The following PTP4A3 variants were observed in gnomAD, a reference collection of about 807,000 sequenced individuals.
PTP4A3 encodes protein tyrosine phosphatase 4A3.
A neutral mutation model predicts 15.2 loss-of-function variants in PTP4A3; 9 were observed. The ratio of observed to expected loss-of-function variants is 0.59; its 90% CI spans 0.36 to 1.03. PTP4A3 has a LOEUF of 1.03. Ranked by LOEUF, PTP4A3 falls within the 50% of genes least tolerant of loss-of-function variation. The pLI is 0.02. For synonymous variants in PTP4A3, 95 were observed against 102.0 expected, an observed-to-expected ratio of 0.93 and a Z score of 0.41; for missense variants, 234 against 252.1, an observed-to-expected ratio of 0.93 and a Z score of 0.49.
chr8:141,428,613 T>C (rs1041211203), intron 5 of PTP4A3, among the ~76,000 whole-genome samples: 1 of 151,506 alleles, frequency 6.6e-6, no homozygotes, highest in Non-Finnish European at 1.5e-5. Flanking sequence ...TGTGTGAGAG[T>C]GTGGCCCGCC....
intron 1 of PTP4A3, among the ~76,000 whole-genome samples, chr8:141,395,143 G>A (rs1485452569): frequency 6.6e-6 from 1 of 152,228 alleles, no homozygotes; most frequent in Admixed American, 6.5e-5. Context: ...CACAGCCCGT[G>A]CCAGTGTGGG....
chr8:141,431,092 C>T lies in PTP4A3; in HGVS notation c.*48C>T, dbSNP rs371494015. ...GTCGTCATGTAGGTCAGGACCTTGG[C>T]TGGACCTGGAGGCCCTGCCCAGCCC... On this transcript the variant is annotated 3_prime_UTR_variant, in exon 6 of 6. Transcript: ENST00000521578. 2.5e-6 allele frequency: 4 copies of T among 1,582,232 alleles called. No individual in the cohort carries two copies. Among genetic ancestry groups the T allele is most frequent in the Non-Finnish European group, 3.5e-6 (4 of 1,152,702 alleles).
intron 1 of PTP4A3, among the ~76,000 whole-genome samples, chr8:141,413,651 G>A (rs981065400): frequency 4.6e-5 from 7 of 152,254 alleles, no homozygotes; most frequent in Non-Finnish European, 8.8e-5. Context: ...GTGGGGCCAC[G>A]TGTGCGCATG....
chr8:141,418,924 C>T (rs1833189140), intron 1 of PTP4A3, among the ~76,000 whole-genome samples: 1 of 152,146 alleles, frequency 6.6e-6, no homozygotes, highest in South Asian at 2.1e-4. Flanking sequence ...CAGGGCAGAG[C>T]CACATAGTGG....
At chr8:141,420,577 C>T (rs1302535578) in intron 1 of PTP4A3, among the ~76,000 whole-genome samples, 2 of 152,220 alleles carry the variant, frequency 1.3e-5, no homozygotes, top group African/African-American at 4.8e-5. Flanking sequence ...TGTGAACCCA[C>T]TCCTGGCCAC....
Position 141,427,752 on chromosome 8 carries a change from C to T in PTP4A3, c.332C>T (p.Ala111Val). ...AVHCVAGLGRAPVLVALALIE... is the reference protein window; with the variant it reads ...AVHCVAGLGRVPVLVALALIE... ...CCCGCCCTGCTGTTTGCCCCCAGGGCTCCAGTCCTTGTGGCGCTGGCCCTT... is the reference window on the plus strand; with the variant it reads ...CCCGCCCTGCTGTTTGCCCCCAGGGTTCCAGTCCTTGTGGCGCTGGCCCTT... The change falls in exon 5 of 6, where the codon GCT (alanine) becomes GTT (valine). Residue 111 changes from alanine to valine, a missense_variant and splice_region_variant. Ala to Val is a moderately conservative substitution (Grantham distance 64). Transcript: ENST00000521578. 1 of 1,550,412 alleles carries T rather than the reference C, an allele frequency of 6.4e-7. No individual in the cohort carries two copies. The highest frequency in any genetic ancestry group is 8.7e-7 in the Non-Finnish European group (1 of 1,147,018).
At chr8:141,421,096 G>A (rs59853021) in intron 1 of PTP4A3, among the ~76,000 whole-genome samples, 1 of 152,136 alleles carries the variant, frequency 6.6e-6, no homozygotes, top group Non-Finnish European at 1.5e-5. Flanking sequence ...CCTCGGGGGT[G>A]TGTGTGTCCC....
intron 1 of PTP4A3, among the ~76,000 whole-genome samples, chr8:141,417,349 TC>T (rs1833094288): frequency 1.3e-5 from 2 of 152,148 alleles, no homozygotes; most frequent in South Asian, 4.1e-4. Context: ...GACAGCAGTG[TC>T]TGGCACGGTG....
intron 1 of PTP4A3, among the ~76,000 whole-genome samples, chr8:141,403,070 T>A (rs1832634824): frequency 6.6e-6 from 1 of 152,178 alleles, no homozygotes; most frequent in African/African-American, 2.4e-5. Context: ...TGGGTGCCTC[T>A]GATTCGGAGG....
Position 141,425,504 on chromosome 8 carries a change from G to A in PTP4A3, c.198+364G>A, listed in dbSNP as rs1479559628. Among the ~76,000 whole-genome samples, 1 of 151,682 alleles carries A rather than the reference G, an allele frequency of 6.6e-6. No homozygotes were observed. The highest frequency in any genetic ancestry group is 1.5e-5 in the Non-Finnish European group (1 of 67,874). ...TCTCAGTCTTGCTGCCTGGGCGGCT[G>A]GGGCCCTGTTGCCAGGCAGCAGGCT... On this transcript the variant is annotated intron_variant, in intron 3 of 5. Transcript: ENST00000521578. The surrounding 1 kb of genome is among the most constrained non-coding windows in gnomAD (Gnocchi z 4.2).
intron 1 of PTP4A3, among the ~76,000 whole-genome samples, chr8:141,400,336 C>G (rs1563724339): frequency 6.6e-6 from 1 of 152,236 alleles, no homozygotes; most frequent in African/African-American, 2.4e-5. Context: ...GTTTTAGACA[C>G]ACATTTGGTG....
intron 1 of PTP4A3, among the ~76,000 whole-genome samples, chr8:141,401,008 C>T (rs758264185): frequency 2.6e-5 from 4 of 152,008 alleles, no homozygotes; most frequent in Non-Finnish European, 4.4e-5. Flanking sequence ...AGGGGCAAGC[C>T]GGGTGAGGAC....
At chr8:141,427,644 T>G (rs2130311996) in intron 4 of PTP4A3, 106 bp from the exon 5 acceptor site, 1 of 953,668 alleles carries the variant, frequency 1.0e-6, no homozygotes, top group Non-Finnish European at 1.5e-6. Flanking sequence ...GCAGGGGGGA[T>G]TCTGGGCCCC....
intron 1 of PTP4A3, among the ~76,000 whole-genome samples, chr8:141,404,887 G>A (rs1402318424): frequency 6.6e-6 from 1 of 152,204 alleles, no homozygotes; most frequent in Non-Finnish European, 1.5e-5. Flanking sequence ...AGCAGCGCCT[G>A]GCACTCAGGC....
chr8:141,426,549 C>T, intron 3 of PTP4A3: 1 of 985,462 alleles, frequency 1.0e-6, no homozygotes, highest in African/African-American at 1.7e-5. Flanking sequence ...TTTGCACCAG[C>T]CGACCCAAAA....
At chr8:141,426,318 C>A in intron 3 of PTP4A3, 3 of 573,314 alleles carry the variant, frequency 5.2e-6, no homozygotes, top group Non-Finnish European at 6.6e-6. Flanking sequence ...ATCTAGGGCG[C>A]TGGGGGACGG....
intron 4 of PTP4A3, 31 bp from the exon 5 acceptor site, chr8:141,427,719 C>T (rs1190589016): frequency 2.6e-6 from 4 of 1,541,482 alleles, no homozygotes; most frequent in East Asian, 2.5e-5. Context: ...GCGCAGGCTC[C>T]GATGACCCCC....
In PTP4A3 at chr8:141,427,038, G is replaced by T. The variant is rs893067639; in HGVS notation, c.298G>T (p.Val100Leu). Residue 100 changes from valine (V) to leucine (L), a missense_variant, in exon 4 of 6, where the codon GTG becomes TTG. Val to Leu is a conservative substitution (Grantham distance 32). Coordinates refer to ENST00000521578, the MANE Select transcript of PTP4A3 (RefSeq NM_032611.3). ...AKFCEAPGSC[V>L]AVHCVAGLGR... ...GTTCTGTGAGGCCCCCGGCAGCTGC[G>T]TGGCTGTGCACTGCGTGGCGGGCCT... 1 of 1,600,956 alleles carries T rather than the reference G, an allele frequency of 6.2e-7. No homozygotes were observed. The highest frequency in any genetic ancestry group is 1.1e-5 in the South Asian group (1 of 91,068).
At chr8:141,427,936 C>A in intron 5 of PTP4A3, 112 bp downstream of exon 5, 1 of 1,056,226 alleles carries the variant, frequency 9.5e-7, no homozygotes, top group Non-Finnish European at 1.4e-6. Context: ...GAGGCTGCGT[C>A]GATCAGCACA....
Sources: gnomAD v4.1 joint callset for allele counts (sites outside exome capture counted in the v4.1 genomes callset) on GRCh38, gnomAD v4.1.1 for gene constraint, Gnocchi (gnomAD v3.1) non-coding constraint, MANE v1.5 for transcripts, NCBI Gene and HGNC (gene_info 2026-07-23, HGNC 2026-07-21) for gene names.